The following RAB27A variants were observed in gnomAD, a reference collection of about 807,000 sequenced individuals.
RAB27A encodes the protein ras-related protein Rab-27A.
A neutral mutation model predicts 20.8 loss-of-function variants in RAB27A; 17 were observed. The observed-to-expected ratio is 0.82, with a 90% CI of 0.56 to 1.23. The LOEUF (loss-of-function observed/expected upper bound fraction) is 1.23. Ranked by LOEUF, RAB27A falls within the 50% of genes most tolerant of loss-of-function variation. The probability of loss-of-function intolerance (pLI) is 0.00; values close to 1 mark genes in which losing one functional copy is unlikely to be tolerated. For missense variants in RAB27A, 277 were observed against 266.7 expected (o/e 1.04, Z -0.27); for synonymous variants, 85 against 92.8 (o/e 0.92, Z 0.48).
At chr15:55,296,083 A>G (rs1595753796) in intron 2 of RAB27A, among the ~76,000 whole-genome samples, 1 of 150,974 alleles carries the variant, frequency 6.6e-6, no homozygotes, top group South Asian at 2.1e-4. Context: ...TTTAGTAGAG[A>G]CGGGGTTCCA....
At chr15:55,301,818 G>C (rs1002023703) in intron 2 of RAB27A, among the ~76,000 whole-genome samples, 1 of 151,708 alleles carries the variant, frequency 6.6e-6, no homozygotes, top group African/African-American at 2.4e-5. Context: ...GCTAATTTTT[G>C]TATTTTCAGT....
chr15:55,298,796 C>G (rs1183381001), intron 2 of RAB27A, among the ~76,000 whole-genome samples: 1 of 152,222 alleles, frequency 6.6e-6, no homozygotes, highest in Non-Finnish European at 1.5e-5. Flanking sequence ...TGCGTATTCT[C>G]TTTCCCAGGG....
At chr15:55,214,139 A>G (rs1339157767) in intron 6 of RAB27A, among the ~76,000 whole-genome samples, 2 of 152,216 alleles carry the variant, frequency 1.3e-5, no homozygotes, top group Non-Finnish European at 2.9e-5. Flanking sequence ...TAGCACAGCT[A>G]TTAAAAACTG....
intron 3 of RAB27A, 90 bp downstream of exon 3, chr15:55,234,692 T>C (rs182675285): frequency 2.2e-6 from 3 of 1,386,018 alleles, no homozygotes; most frequent in Non-Finnish European, 3.1e-6. Context: ...TCCCAACCTT[T>C]GTCCTCCTAA....
At chr15:55,262,861 C>T (rs888254404) in intron 2 of RAB27A, among the ~76,000 whole-genome samples, 1 of 152,012 alleles carries the variant, frequency 6.6e-6, no homozygotes, top group South Asian at 2.1e-4. Context: ...AGCCCAGTCT[C>T]GTCATGTCTT....
chr15:55,298,056 T>C (rs990540709), intron 2 of RAB27A, among the ~76,000 whole-genome samples: 1 of 151,704 alleles, frequency 6.6e-6, no homozygotes, highest in Non-Finnish European at 1.5e-5. Flanking sequence ...ATACAAAAAA[T>C]TAGCTGGGCA....
intron 1 of RAB27A, among the ~76,000 whole-genome samples, chr15:55,286,019 G>A (rs930797794): frequency 3.9e-5 from 6 of 152,178 alleles, no homozygotes; most frequent in Non-Finnish European, 8.8e-5. Flanking sequence ...GACAGAAGAC[G>A]AGAGACTTAG....
At chr15:55,272,938 T>C (rs1435642435) in intron 1 of RAB27A, among the ~76,000 whole-genome samples, 1 of 152,056 alleles carries the variant, frequency 6.6e-6, no homozygotes, top group East Asian at 1.9e-4. Context: ...GACAGTAACA[T>C]AGGGACTCAA....
rs369968596 is a variant in RAB27A at position 55,255,225 on chromosome 15, C to G, written c.-23+14940G>C. ...TTAACAGAATGATCACAAACTGAAA[C>G]CAAACTGCAACTCTATCCCTTCCAC... On this transcript the variant is annotated intron_variant, in intron 2 of 6. Coordinates refer to ENST00000336787, the MANE Select transcript of RAB27A (RefSeq NM_183235.3). Among the ~76,000 whole-genome samples, 351 of 152,290 alleles carry G rather than the reference C, an allele frequency of 2.3e-3. 4 individuals carry two copies. Among genetic ancestry groups the G allele is most frequent in the African/African-American group, 8.1e-3 (336 of 41,550 alleles).
intron 2 of RAB27A, among the ~76,000 whole-genome samples, chr15:55,267,770 A>C (rs1396413593): frequency 6.6e-6 from 1 of 152,204 alleles, no homozygotes; most frequent in Non-Finnish European, 1.5e-5. Context: ...GGCAGGAAGA[A>C]GACAGTTTCC....
At chr15:55,246,400 T>C (rs560823750) in intron 2 of RAB27A, among the ~76,000 whole-genome samples, 4 of 148,562 alleles carry the variant, frequency 2.7e-5, no homozygotes, top group Admixed American at 6.9e-5. Flanking sequence ...CCAATGTCAA[T>C]AACTCAAATG....
intron 6 of RAB27A, 64 bp downstream of exon 6, chr15:55,223,825 C>T (rs75601168): frequency 0.04 from 63,913 of 1,578,166 alleles, 1,462 homozygotes; most frequent in Non-Finnish European, 0.045. Context: ...TTTTTCATTA[C>T]CATTCACCTG....
intron 2 of RAB27A, among the ~76,000 whole-genome samples, chr15:55,242,365 T>C (rs1896526468): frequency 2.0e-5 from 3 of 152,176 alleles, no homozygotes; most frequent in African/African-American, 7.2e-5. Flanking sequence ...AATTCTGACT[T>C]TTCTACTTTG....
chr15:55,267,226 T>C (rs901788504), intron 2 of RAB27A, among the ~76,000 whole-genome samples: 1 of 152,170 alleles, frequency 6.6e-6, no homozygotes, highest in Non-Finnish European at 1.5e-5. Flanking sequence ...AGCTAAAAGA[T>C]AGCTAAAAGA....
At chr15:55,275,663 GA>G (rs35544623) in intron 1 of RAB27A, among the ~76,000 whole-genome samples, 1 of 150,376 alleles carries the variant, frequency 6.6e-6, no homozygotes, top group Non-Finnish European at 1.5e-5. Context: ...CTATAGAAGG[GA>G]AAAAAAGGTA....
intron 6 of RAB27A, among the ~76,000 whole-genome samples, chr15:55,222,964 G>C (rs1895643418): frequency 1.3e-5 from 2 of 151,712 alleles, no homozygotes; most frequent in Admixed American, 1.3e-4. Context: ...AGCAGCAGCT[G>C]ACCACTTCTT....
intron 6 of RAB27A, among the ~76,000 whole-genome samples, chr15:55,216,932 G>A (rs1283373973): frequency 6.6e-6 from 1 of 152,198 alleles, no homozygotes; most frequent in Non-Finnish European, 1.5e-5. Flanking sequence ...GATGCTTCTA[G>A]CAGAGCTGTG....
intron 1 of RAB27A, among the ~76,000 whole-genome samples, chr15:55,316,192 G>A (rs1400550373): frequency 2.8e-5 from 4 of 142,920 alleles, no homozygotes; most frequent in East Asian, 4.1e-4. Flanking sequence ...CCAATATTGC[G>A]CCACTGCGCT....
chr15:55,209,764 A>G (rs1217012577), intron 6 of RAB27A, among the ~76,000 whole-genome samples: 1 of 132,086 alleles, frequency 7.6e-6, no homozygotes, highest in Admixed American at 6.9e-5. Context: ...GTATGTGTGT[A>G]CATATACATA....
Sources: gnomAD v4.1 joint callset for allele counts (sites outside exome capture counted in the v4.1 genomes callset) on GRCh38, gnomAD v4.1.1 for gene constraint, MANE v1.5 for transcripts, NCBI Gene and HGNC (gene_info 2026-07-23, HGNC 2026-07-21) for gene names.